KIF26B: variants seen among roughly 807,000 people sequenced by gnomAD.
KIF26B encodes kinesin-like protein KIF26B.
KIF26B carries 63 observed loss-of-function variants against 151.2 expected under a neutral mutation model. That is an observed-to-expected ratio of 0.42 (90% CI 0.34 to 0.51). KIF26B has a LOEUF of 0.51. KIF26B is among the 20% of genes least tolerant of loss of function. KIF26B has a pLI of 0.07. For synonymous variants in KIF26B, 1,357 were observed against 1,262.1 expected, an observed-to-expected ratio of 1.08 and a Z score of -1.59; for missense variants, 2,813 against 2,913.6, an observed-to-expected ratio of 0.97 and a Z score of 0.79.
intron 2 of KIF26B, among the ~76,000 whole-genome samples, chr1:245,313,004 C>CA (rs1273948009): frequency 6.6e-6 from 1 of 151,916 alleles, no homozygotes; most frequent in East Asian, 1.9e-4. Flanking sequence ...ACTAAAAATA[C>CA]AAAAATTAGC....
chr1:245,571,981 A>T (rs2043070083), intron 5 of KIF26B, among the ~76,000 whole-genome samples: 1 of 152,214 alleles, frequency 6.6e-6, no homozygotes, highest in African/African-American at 2.4e-5. Context: ...TTGAGACAAG[A>T]TGAGCGTGCT....
In KIF26B at chr1:245,685,584, C is replaced by T. The variant is rs1362022477; in HGVS notation, c.2601C>T (p.Tyr867=). 5 of 1,613,776 alleles carry T rather than the reference C, an allele frequency of 3.1e-6. No homozygotes were observed. In the Admixed American group the frequency reaches 5.0e-5, roughly 16 times the overall value. ...SSEQSCDTVI[Y]IGPNGTALSD... Reference sequence around the variant, plus strand: ...AGCAGTCCTGCGACACCGTCATCTACATCGGGCCCAACGGCACGGCCCTCT... The same window carrying T: ...AGCAGTCCTGCGACACCGTCATCTATATCGGGCCCAACGGCACGGCCCTCT... Residue 867 remains tyrosine, a synonymous_variant, in exon 12 of 15, where the codon TAC becomes TAT. Coordinates refer to ENST00000407071, the MANE Select transcript of KIF26B (RefSeq NM_018012.4).
chr1:245,322,227 G>A (rs551493166), intron 2 of KIF26B, among the ~76,000 whole-genome samples: 5 of 152,150 alleles, frequency 3.3e-5, no homozygotes, highest in African/African-American at 1.2e-4. Flanking sequence ...TGTGGGGGAT[G>A]GGGGATAAGG....
At chr1:245,437,843 A>G (rs1658972686) in intron 4 of KIF26B, among the ~76,000 whole-genome samples, 1 of 152,196 alleles carries the variant, frequency 6.6e-6, no homozygotes, top group South Asian at 2.1e-4. Context: ...TCTCCACCAC[A>G]GCCGTGAAAT....
At chr1:245,542,516 C>A (rs1417397358) in intron 5 of KIF26B, among the ~76,000 whole-genome samples, 1 of 152,210 alleles carries the variant, frequency 6.6e-6, no homozygotes, top group Non-Finnish European at 1.5e-5. Context: ...GGGCTGTCTA[C>A]AGGGCCTGCC....
intron 2 of KIF26B, among the ~76,000 whole-genome samples, chr1:245,329,499 G>A (rs1295834008): frequency 6.6e-6 from 1 of 152,212 alleles, no homozygotes; most frequent in Non-Finnish European, 1.5e-5. Flanking sequence ...GGAATTAGTT[G>A]CACCTGAGAG....
At chr1:245,437,562 G>A (rs577754963) in intron 4 of KIF26B, among the ~76,000 whole-genome samples, 1 of 152,308 alleles carries the variant, frequency 6.6e-6, no homozygotes, top group African/African-American at 2.4e-5. Flanking sequence ...TGTGAGGAAC[G>A]TTGATTTATG....
chr1:245,314,172 G>C (rs1363207412), intron 2 of KIF26B, among the ~76,000 whole-genome samples: 1 of 152,160 alleles, frequency 6.6e-6, no homozygotes, highest in Non-Finnish European at 1.5e-5. Flanking sequence ...TTCAGGCGGG[G>C]GGCGGTGACT....
Position 245,702,679 on chromosome 1 carries a change from CTG to C in KIF26B, c.*76_*77del. 6.7e-7 allele frequency: 1 copy of C among 1,498,864 alleles called. No individual in the cohort carries two copies. The allele number at this position is 1,498,864 out of a possible 1,614,324, so 92.8% of individuals were successfully genotyped here. ...GAGATGTTGCACGCCCCTAGGCCCT[CTG>C]TGCTGGGGCATCAAAGACAATGAAT... On this transcript the variant is annotated 3_prime_UTR_variant, in exon 15 of 15. Coordinates refer to ENST00000407071, the MANE Select transcript of KIF26B (RefSeq NM_018012.4). This position sits in a 1 kb window ranked among gnomAD's most constrained non-coding sequence, Gnocchi z 4.1.
At chr1:245,439,246 C>T (rs1659005642) in intron 4 of KIF26B, among the ~76,000 whole-genome samples, 1 of 149,566 alleles carries the variant, frequency 6.7e-6, no homozygotes, top group African/African-American at 2.5e-5. Flanking sequence ...GCTCTGGAGG[C>T]TGAGGTGGGA....
intron 5 of KIF26B, among the ~76,000 whole-genome samples, chr1:245,600,666 T>C (rs1333386341): frequency 6.6e-6 from 1 of 151,260 alleles, no homozygotes; most frequent in Non-Finnish European, 1.5e-5. Context: ...CATTTTCCAA[T>C]CACAGCGTTA....
intron 2 of KIF26B, among the ~76,000 whole-genome samples, chr1:245,196,271 A>T (rs1007910700): frequency 6.6e-6 from 1 of 152,152 alleles, no homozygotes; most frequent in African/African-American, 2.4e-5. Context: ...CTTTGCAATG[A>T]TTAGGATGAC....
intron 2 of KIF26B, among the ~76,000 whole-genome samples, chr1:245,232,433 G>A (rs1428240093): frequency 6.6e-6 from 1 of 152,022 alleles, no homozygotes; most frequent in Non-Finnish European, 1.5e-5. Flanking sequence ...TTGTATTAAA[G>A]AGCTAATACT....
At chr1:245,427,873 T>C (rs1658685602) in intron 4 of KIF26B, among the ~76,000 whole-genome samples, 1 of 152,118 alleles carries the variant, frequency 6.6e-6, no homozygotes, top group African/African-American at 2.4e-5. Flanking sequence ...CCATTGAGCT[T>C]CCTGTGGGAC....
rs1384252328 is a variant in KIF26B, at chr1:245,685,590, G to A, written c.2607G>A (p.Gly869=). ...EQSCDTVIYI[G]PNGTALSDKE... is the part of the protein sequence containing the mutation. ...CCTGCGACACCGTCATCTACATCGG[G>A]CCCAACGGCACGGCCCTCTCTGACA... The change falls in exon 12 of 15, where the codon GGG becomes GGA. Residue 869 remains glycine (G), a synonymous_variant. Coordinates refer to ENST00000407071, the MANE Select transcript of KIF26B (RefSeq NM_018012.4). 2 of 1,613,710 alleles carry A rather than the reference G, an allele frequency of 1.2e-6. No individual in the cohort carries two copies. Among genetic ancestry groups the A allele is most frequent in the Non-Finnish European group, 1.7e-6 (2 of 1,179,898 alleles).
At chr1:245,590,299 G>C (rs974349564) in intron 5 of KIF26B, among the ~76,000 whole-genome samples, 1 of 152,156 alleles carries the variant, frequency 6.6e-6, no homozygotes, top group African/African-American at 2.4e-5. Flanking sequence ...GTGCCCCCGG[G>C]GCGGCTGGGC....
chr1:245,578,430 G>A (rs2043145956), intron 5 of KIF26B, among the ~76,000 whole-genome samples: 1 of 152,216 alleles, frequency 6.6e-6, no homozygotes, highest in Non-Finnish European at 1.5e-5. Context: ...CAAACAGCCA[G>A]TCTGCACAGG....
At chr1:245,229,834 G>C (rs924735732) in intron 2 of KIF26B, among the ~76,000 whole-genome samples, 1 of 152,110 alleles carries the variant, frequency 6.6e-6, no homozygotes. Flanking sequence ...AACAAAGAGA[G>C]CAAATAAAAC....
intron 2 of KIF26B, among the ~76,000 whole-genome samples, chr1:245,237,302 C>G (rs963745002): frequency 3.3e-5 from 5 of 152,172 alleles, no homozygotes; most frequent in Non-Finnish European, 4.4e-5. Flanking sequence ...AATGTTTAAC[C>G]TCCCTTCTCT....
Sources: allele counts gnomAD v4.1 joint callset (sites outside exome capture counted in the v4.1 genomes callset), GRCh38; gene constraint gnomAD v4.1.1; non-coding constraint Gnocchi (gnomAD v3.1); transcripts MANE v1.5; gene names NCBI Gene and HGNC (gene_info 2026-07-23, HGNC 2026-07-21).